Variants in TLK2 observed in about 807,000 individuals in gnomAD.
TLK2 encodes the protein tousled like kinase 2, also known as serine/threonine-protein kinase tousled-like 2.
Under a neutral mutation model 117.3 loss-of-function variants are expected in TLK2, and 6 were observed. That is an observed-to-expected ratio of 0.05 (90% CI 0.03 to 0.10). TLK2 has a LOEUF of 0.10. Ranked by LOEUF, TLK2 falls within the 10% of genes least tolerant of loss-of-function variation. The pLI, the probability that TLK2 is intolerant of heterozygous loss-of-function variation, is 1.00. For synonymous variants in TLK2, 257 were observed against 316.7 expected (o/e 0.81, Z 2.00); for missense variants, 299 against 901.2 (o/e 0.33, Z 8.56).
chr17:62,593,426 C>G (rs1216545624), intron 16 of TLK2, among the ~76,000 whole-genome samples: 1 of 151,932 alleles, frequency 6.6e-6, no homozygotes, highest in African/African-American at 2.4e-5. Context: ...ACCTTTTTGA[C>G]TCTCATAATA....
At chr17:62,527,553 A>G (rs1179251475) in intron 6 of TLK2, among the ~76,000 whole-genome samples, 2 of 152,062 alleles carry the variant, frequency 1.3e-5, no homozygotes, top group Admixed American at 6.5e-5. Context: ...TATCTTGTGT[A>G]AAAGACATTC....
At chr17:62,486,272 T>G (rs953697909) in intron 2 of TLK2, among the ~76,000 whole-genome samples, 30 of 152,278 alleles carry the variant, frequency 2.0e-4, no homozygotes, top group African/African-American at 6.5e-4. Flanking sequence ...TTCTCTTGCC[T>G]CAGCCTCCCC....
chr17:62,544,384 T>C (rs1165511725), intron 7 of TLK2, among the ~76,000 whole-genome samples: 1 of 151,442 alleles, frequency 6.6e-6, no homozygotes, highest in Non-Finnish European at 1.5e-5. Context: ...AATGAGAGAG[T>C]GAAGGGGAAA....
chr17:62,479,268 A>AGCGGCGGCG lies in TLK2; in HGVS notation c.-16_-8dup, dbSNP rs768508482. ...GGGGCCCCTCCCGGGAGGAGCGTGG[A>AGCGGCGGCG]GCGGCGGCGGCGGCGGCGGCAGGTG... is the stretch of plus-strand genomic sequence containing the variant. On this transcript the variant is annotated 5_prime_UTR_variant, in exon 1 of 22. Coordinates refer to ENST00000346027, the MANE Select transcript of TLK2 (RefSeq NM_006852.6). 4.1e-4 allele frequency: 68 copies of AGCGGCGGCG among 166,558 alleles called. 1 individual carries two copies. Among genetic ancestry groups the AGCGGCGGCG allele is most frequent in the South Asian group, 8.2e-4 (5 of 6,086 alleles). 10.3% of individuals were successfully genotyped at this position (166,558 alleles called of 1,614,324 possible).
At position 62,573,319 on chromosome 17, in the gene TLK2, A is replaced by G. The variant is rs370475866; in HGVS notation, c.1073A>G (p.Asn358Ser). Residue 358 changes from asparagine (N) to serine (S), a missense_variant, in exon 12 of 22, where the codon AAT (asparagine) becomes AGT (serine). Asn to Ser is a conservative substitution (Grantham distance 46). Around this residue, in one of 4 missense-constraint regions of TLK2, gnomAD observed 94 missense variants for 282.6 expected, o/e 0.33. Transcript: ENST00000346027. Reference protein sequence around the residue: ...PAMGQAPPATNEQKQRKSKTN... With the variant: ...PAMGQAPPATSEQKQRKSKTN... ...ATGGGTCAGGCCCCTCCTGCAACCA[A>G]TGAGCAGAAACAGCGGAAAAGCAAG... 31 of 1,613,960 alleles carry G rather than the reference A, an allele frequency of 1.9e-5. No homozygotes were observed. The highest frequency in any genetic ancestry group is 1.0e-4 in the Admixed American group (6 of 59,998).
At chr17:62,539,955 C>T (rs1450255111) in intron 7 of TLK2, among the ~76,000 whole-genome samples, 3 of 152,146 alleles carry the variant, frequency 2.0e-5, no homozygotes, top group Admixed American at 6.5e-5. Context: ...ACAAACATGT[C>T]AAATGTAACA....
At chr17:62,566,473 A>C (rs1054743928) in intron 11 of TLK2, among the ~76,000 whole-genome samples, 3 of 152,168 alleles carry the variant, frequency 2.0e-5, no homozygotes, top group Non-Finnish European at 2.9e-5. Context: ...TTGCTTCATG[A>C]TTATTCCTCA....
intron 2 of TLK2, among the ~76,000 whole-genome samples, chr17:62,484,981 G>A (rs1315115635): frequency 2.0e-5 from 3 of 152,142 alleles, no homozygotes; most frequent in Non-Finnish European, 2.9e-5. Flanking sequence ...GGCTGAGCCC[G>A]GGAGGCGGGG....
intron 16 of TLK2, among the ~76,000 whole-genome samples, chr17:62,591,153 G>A (rs1051478446): frequency 4.6e-5 from 7 of 152,092 alleles, no homozygotes; most frequent in African/African-American, 1.7e-4. Flanking sequence ...GGAGGCTGAG[G>A]CAGAAGAATC....
chr17:62,539,434 C>T (rs2077344972), intron 7 of TLK2, among the ~76,000 whole-genome samples: 2 of 150,694 alleles, frequency 1.3e-5, no homozygotes, highest in African/African-American at 4.9e-5. Context: ...TGTCTTCAGA[C>T]TCATTTATCT....
intron 2 of TLK2, among the ~76,000 whole-genome samples, chr17:62,489,199 G>GTC (rs1167452282): frequency 6.8e-6 from 1 of 146,414 alleles, no homozygotes; most frequent in East Asian, 2.0e-4. Flanking sequence ...GTGTGTGTGT[G>GTC]TAAATTTTTT....
intron 2 of TLK2, among the ~76,000 whole-genome samples, chr17:62,515,907 C>T (rs1024391834): frequency 7.9e-5 from 12 of 152,050 alleles, no homozygotes; most frequent in African/African-American, 2.2e-4. Context: ...CTAAATTCAA[C>T]GCTGTAACAC....
chr17:62,598,736 G>A (rs2082663707), intron 17 of TLK2, among the ~76,000 whole-genome samples: 1 of 151,962 alleles, frequency 6.6e-6, no homozygotes, highest in African/African-American at 2.4e-5. Flanking sequence ...TGCTGGGCAG[G>A]CTGGTCTTGA....
Position 62,612,410 on chromosome 17 carries a change from T to C in TLK2, c.2098T>C (p.Leu700=). 1 of 1,613,920 alleles carries C rather than the reference T, an allele frequency of 6.2e-7. No homozygotes were observed. The highest frequency in any genetic ancestry group is 8.5e-7 in the Non-Finnish European group (1 of 1,179,894). The change falls in exon 22 of 22, where the codon TTG becomes CTG. Residue 700 remains leucine, a synonymous_variant. Transcript: ENST00000346027. ...TTTGCAGGCGTTTATTCGACGATGC[T>C]TGGCCTACCGAAAGGAGGACCGCAT... ...PEAKAFIRRC[L]AYRKEDRIDV...
intron 21 of TLK2, among the ~76,000 whole-genome samples, chr17:62,608,738 A>G (rs1289423909): frequency 6.6e-6 from 1 of 152,190 alleles, no homozygotes; most frequent in Non-Finnish European, 1.5e-5. Flanking sequence ...GGGAACTACA[A>G]TTCAAGATGA....
chr17:62,568,469 G>C (rs1027336536), intron 11 of TLK2, among the ~76,000 whole-genome samples: 7 of 151,258 alleles, frequency 4.6e-5, no homozygotes, highest in Admixed American at 4.6e-4. Flanking sequence ...GATTTGACCT[G>C]TGTACAAAAT....
chr17:62,608,788 AG>A (rs1331398554), intron 21 of TLK2, among the ~76,000 whole-genome samples: 3 of 152,156 alleles, frequency 2.0e-5, no homozygotes, highest in African/African-American at 7.2e-5. Context: ...TCAACATTAT[AG>A]GGTTAAACGT....
rs1238258492 is a variant in TLK2 at position 62,487,391 on chromosome 17, C to T, written c.81+6185C>T. 4.6e-5 allele frequency among the ~76,000 whole-genome samples: 7 copies of T among 150,942 alleles called. No homozygotes were observed. The East Asian group carries it at 6.0e-4, about 13-fold the overall frequency. On this transcript the variant is annotated intron_variant, in intron 2 of 21. Coordinates refer to ENST00000346027, the MANE Select transcript of TLK2 (RefSeq NM_006852.6). ...TAGAAAGACTAGATAAGTCAGCACGCGCCTGTAGTCCCAGCTGCTCAGGAG... is the reference window on the plus strand; with the variant it reads ...TAGAAAGACTAGATAAGTCAGCACGTGCCTGTAGTCCCAGCTGCTCAGGAG...
intron 20 of TLK2, among the ~76,000 whole-genome samples, chr17:62,607,012 C>CTTTTTTTTTTT (rs10680028): frequency 2.4e-5 from 3 of 123,564 alleles, no homozygotes; most frequent in Non-Finnish European, 3.3e-5. Context: ...TCTCCTTGGT[C>CTTTTTTTTTTT]TTTTTTTTTT....
Sources: allele counts gnomAD v4.1 joint callset (sites outside exome capture counted in the v4.1 genomes callset), GRCh38; gene constraint gnomAD v4.1.1; regional missense constraint gnomAD v4.1.1; transcripts MANE v1.5; gene names NCBI Gene and HGNC (gene_info 2026-07-23, HGNC 2026-07-21).